THAP4: variants seen among roughly 807,000 people sequenced by gnomAD.
THAP4 encodes the protein THAP domain containing 4.
A neutral mutation model predicts 48.1 loss-of-function variants in THAP4; 18 were observed. The observed-to-expected ratio is 0.37, with a 90% CI of 0.26 to 0.56. The LOEUF (loss-of-function observed/expected upper bound fraction) is 0.56. Among genes scored for constraint, THAP4 ranks in the 20% least tolerant of loss-of-function variants. The probability of loss-of-function intolerance (pLI) is 0.78; values close to 1 mark genes in which losing one functional copy is unlikely to be tolerated. For synonymous variants in THAP4, 345 were observed against 324.9 expected (o/e 1.06, Z -0.66); for missense variants, 656 against 774.9 (o/e 0.85, Z 1.82).
chr2:241,589,254 CA>C (rs1302868350), intron 5 of THAP4, among the ~76,000 whole-genome samples: 1 of 149,052 alleles, frequency 6.7e-6, no homozygotes, highest in Non-Finnish European at 1.5e-5. Context: ...CCACCCCCAC[CA>C]AAAAAAACAA....
At position 241,591,220 on chromosome 2, in the gene THAP4, A is replaced by C. The variant is rs563186136; in HGVS notation, c.1615-6495T>G. Among the ~76,000 whole-genome samples, 385 of 151,642 alleles carry C rather than the reference A, an allele frequency of 2.5e-3. 2 individuals carry two copies. The highest frequency in any genetic ancestry group is 9.0e-3 in the African/African-American group (370 of 41,130). ...TGATGATGGGCACTAGGACACTCAG[A>C]ACTGCTCGGCTGATGATCATGGGCA... On this transcript the variant is annotated intron_variant, in intron 5 of 5. Transcript: ENST00000407315.
intron 2 of THAP4, among the ~76,000 whole-genome samples, chr2:241,608,721 A>G (rs970265263): frequency 6.6e-6 from 1 of 152,252 alleles, no homozygotes; most frequent in Admixed American, 6.5e-5. Flanking sequence ...GCGAGGGCAG[A>G]CAATACACAA....
At chr2:241,628,523 T>C (rs763735038) in intron 2 of THAP4, among the ~76,000 whole-genome samples, 2 of 151,888 alleles carry the variant, frequency 1.3e-5, no homozygotes, top group Non-Finnish European at 2.9e-5. Context: ...TGCTGATCTT[T>C]TGCCTCTCAA....
rs762889749 is a variant in THAP4, at chr2:241,633,153, G to A, written c.1004C>T (p.Ala335Val). The A allele has an allele frequency of 6.8e-6, 11 of 1,609,660 alleles. No homozygotes were observed. The highest frequency in any genetic ancestry group is 3.3e-5 in the South Asian group (3 of 90,726). The change falls in exon 2 of 6, where the codon GCG (alanine) becomes GTG (valine). Residue 335 changes from alanine to valine, a missense_variant. Ala to Val is a moderately conservative substitution (Grantham distance 64). This residue lies in a region of THAP4 where 391 missense variants were observed against 412.4 expected (regional missense o/e 0.95). Coordinates refer to ENST00000407315, the MANE Select transcript of THAP4 (RefSeq NM_015963.6). The surrounding 1 kb of genome is among the most constrained non-coding windows in gnomAD (Gnocchi z 7.5). ...GTCGATGAGCTTGCAGGCCCCTGAC[G>A]CCGACAGGATGACCTCGTTGATGGA... Reference protein sequence around the residue: ...PMSINEVILSASGACKLIDSL... With the variant: ...PMSINEVILSVSGACKLIDSL...
At chr2:241,636,872 G>T in intron 1 of THAP4, 69 bp downstream of exon 1, 2 of 945,358 alleles carry the variant, frequency 2.1e-6, no homozygotes, top group Non-Finnish European at 2.6e-6. Context: ...GTTCGGGCCG[G>T]CCGCGGGGCC....
chr2:241,595,090 G>A (rs1434078866), intron 5 of THAP4, among the ~76,000 whole-genome samples: 1 of 151,984 alleles, frequency 6.6e-6, no homozygotes, highest in African/African-American at 2.4e-5. Flanking sequence ...TCAGCTCATT[G>A]CAACCTCTGC....
At position 241,625,818 on chromosome 2, in the gene THAP4, A is replaced by AAG. The variant is rs1553560238; in HGVS notation, c.1240+7098_1240+7099insCT. 2.4e-3 allele frequency among the ~76,000 whole-genome samples: 333 copies of AAG among 140,796 alleles called. 1 individual carries two copies. Among genetic ancestry groups the AAG allele is most frequent in the African/African-American group, 8.7e-3 (323 of 37,166 alleles). 92.4% of individuals were successfully genotyped at this position (140,796 alleles called of 152,430 possible). ...GTCTCAAAAAAAAAAAAAAAAAAAA[A>AAG]AAAAAAGAAAAAAGAAAACTACAGA... On this transcript the variant is annotated intron_variant, in intron 2 of 5. Coordinates refer to ENST00000407315, the MANE Select transcript of THAP4 (RefSeq NM_015963.6).
chr2:241,625,810 A>G (rs1411205521), intron 2 of THAP4, among the ~76,000 whole-genome samples: 3 of 147,548 alleles, frequency 2.0e-5, no homozygotes, highest in Non-Finnish European at 4.5e-5. Context: ...AAAAAAAAAA[A>G]AAAAAAAAAA....
chr2:241,617,289 T>G (rs898785747), intron 2 of THAP4: 3 of 738,600 alleles, frequency 4.1e-6, no homozygotes, highest in Middle Eastern at 4.7e-4. Flanking sequence ...TCTAGGCATT[T>G]CTTTTCTGAT....
intron 2 of THAP4, among the ~76,000 whole-genome samples, chr2:241,625,508 GAA>G (rs939231658): frequency 1.4e-4 from 21 of 146,582 alleles, no homozygotes; most frequent in Middle Eastern, 3.7e-3. Context: ...AAGGAAAAAG[GAA>G]AAAGAGTCCA....
intron 2 of THAP4, among the ~76,000 whole-genome samples, chr2:241,628,656 C>T (rs577190043): frequency 9.9e-5 from 15 of 150,946 alleles, no homozygotes; most frequent in Middle Eastern, 3.4e-3. Flanking sequence ...CAAAACTGTA[C>T]TGGAATAGGA....
At chr2:241,627,526 G>A (rs760581514) in intron 2 of THAP4, among the ~76,000 whole-genome samples, 20 of 152,220 alleles carry the variant, frequency 1.3e-4, no homozygotes, top group Non-Finnish European at 2.4e-4. Context: ...CCTCTGGAGC[G>A]TGGCTTCAAC....
intron 2 of THAP4, among the ~76,000 whole-genome samples, chr2:241,618,360 C>G (rs947776107): frequency 2.0e-5 from 3 of 152,178 alleles, no homozygotes; most frequent in African/African-American, 7.2e-5. Flanking sequence ...GTTTGATTTC[C>G]TCGTTAATCT....
At chr2:241,596,994 A>C (rs2067056903) in intron 5 of THAP4, among the ~76,000 whole-genome samples, 1 of 152,202 alleles carries the variant, frequency 6.6e-6, no homozygotes, top group African/African-American at 2.4e-5. Context: ...AAATTTATAA[A>C]CATATTTTTA....
rs777985333 is a variant in THAP4 at position 241,603,097 on chromosome 2, G to A, written c.1401-18C>T. 2 of 1,602,876 alleles carry A rather than the reference G, an allele frequency of 1.2e-6. No homozygotes were observed. Among genetic ancestry groups the A allele is most frequent in the South Asian group, 2.2e-5 (2 of 90,850 alleles). On this transcript the variant is annotated intron_variant, in intron 3 of 5. Transcript: ENST00000407315. Reference sequence around the variant, plus strand: ...AGTTGAACCTGGACGGGAAGTTGGAGTTGAGAAGCCCAGGCACTGGCCTCC... The same window carrying A: ...AGTTGAACCTGGACGGGAAGTTGGAATTGAGAAGCCCAGGCACTGGCCTCC...
chr2:241,596,134 A>G (rs935763873), intron 5 of THAP4, among the ~76,000 whole-genome samples: 1 of 151,716 alleles, frequency 6.6e-6, no homozygotes, highest in Middle Eastern at 3.2e-3. Context: ...GGGGTGGTCC[A>G]AGGGACCCCA....
intron 2 of THAP4, among the ~76,000 whole-genome samples, chr2:241,608,472 T>C: frequency 6.6e-6 from 1 of 152,178 alleles, no homozygotes; most frequent in African/African-American, 2.4e-5. Flanking sequence ...AGGATGGGAA[T>C]ATTTGGACTT....
chr2:241,605,777 A>G (rs1331315220), intron 3 of THAP4, among the ~76,000 whole-genome samples: 2 of 151,278 alleles, frequency 1.3e-5, no homozygotes, highest in African/African-American at 4.9e-5. Flanking sequence ...GTACAGTGTT[A>G]TGATCACAGC....
At chr2:241,585,935 A>AAAAAAAAAAAAAAAG in intron 5 of THAP4, among the ~76,000 whole-genome samples, 1 of 146,998 alleles carries the variant, frequency 6.8e-6, no homozygotes, top group South Asian at 2.2e-4. Flanking sequence ...AAAAAGAAAA[A>AAAAAAAAAAAAAAAG]AAAAAGAAAA....
Sources: gnomAD v4.1 joint callset for allele counts (sites outside exome capture counted in the v4.1 genomes callset) on GRCh38, gnomAD v4.1.1 for gene constraint, gnomAD v4.1.1 regional missense constraint, Gnocchi (gnomAD v3.1) non-coding constraint, MANE v1.5 for transcripts, NCBI Gene and HGNC (gene_info 2026-07-23, HGNC 2026-07-21) for gene names.